The following CDH4 variants were observed in gnomAD, a reference collection of about 807,000 sequenced individuals.
CDH4 encodes the protein cadherin-4.
A neutral mutation model predicts 86.0 loss-of-function variants in CDH4; 33 were observed. The ratio of observed to expected loss-of-function variants is 0.38; its 90% CI spans 0.29 to 0.51. The LOEUF (loss-of-function observed/expected upper bound fraction) is 0.51. Among genes scored for constraint, CDH4 ranks in the 20% least tolerant of loss-of-function variants. CDH4 has a pLI of 0.86. For synonymous variants in CDH4, 555 were observed against 549.4 expected (o/e 1.01, Z -0.14); for missense variants, 1,114 against 1,307.4 (o/e 0.85, Z 2.28).
chr20:61,919,148 G>T (rs2054939463), intron 9 of CDH4, among the ~76,000 whole-genome samples: 1 of 152,222 alleles, frequency 6.6e-6, no homozygotes, highest in South Asian at 2.1e-4. Flanking sequence ...TGGGATTACA[G>T]GCATGAGCCA....
chr20:61,890,193 TG>T (rs1984753722), intron 7 of CDH4, among the ~76,000 whole-genome samples: 1 of 26,264 alleles, frequency 3.8e-5, no homozygotes, highest in African/African-American at 6.9e-5. Context: ...GATGGATAGA[TG>T]ATGGATGGAT....
intron 2 of CDH4, among the ~76,000 whole-genome samples, chr20:61,268,288 C>T (rs993945296): frequency 4.6e-5 from 7 of 152,220 alleles, no homozygotes; most frequent in Non-Finnish European, 8.8e-5. Context: ...GGAGAAGGCA[C>T]CTCTGGCTGC....
chr20:61,639,113 C>T (rs370976903), intron 2 of CDH4, among the ~76,000 whole-genome samples: 4 of 152,202 alleles, frequency 2.6e-5, no homozygotes, highest in Admixed American at 6.5e-5. Context: ...AGCCTGTGTG[C>T]GGGATAAACG....
chr20:61,755,828 A>G (rs2145961575), intron 3 of CDH4, among the ~76,000 whole-genome samples: 1 of 152,318 alleles, frequency 6.6e-6, no homozygotes, highest in Non-Finnish European at 1.5e-5. Context: ...TCCACACAGT[A>G]CACACGTGCG....
At chr20:61,692,517 C>T (rs2087670876) in intron 2 of CDH4, among the ~76,000 whole-genome samples, 1 of 152,210 alleles carries the variant, frequency 6.6e-6, no homozygotes, top group African/African-American at 2.4e-5. Context: ...GAGAAAAAGT[C>T]CTGGCCTCTT....
At chr20:61,639,324 C>G (rs191834985) in intron 2 of CDH4, among the ~76,000 whole-genome samples, 2,498 of 152,196 alleles carry the variant, frequency 0.016, 64 homozygotes, top group African/African-American at 0.056. Context: ...CCTTTGGAGG[C>G]GGGGGGCAAG....
chr20:61,686,611 ATGTG>A (rs367842054), intron 2 of CDH4, among the ~76,000 whole-genome samples: 6 of 141,512 alleles, frequency 4.2e-5, no homozygotes, highest in Admixed American at 7.1e-5. Context: ...ACGTGTGTGC[ATGTG>A]TGTATCTGAG....
chr20:61,839,516 G>T (rs988321394), intron 4 of CDH4, among the ~76,000 whole-genome samples: 13 of 116,554 alleles, frequency 1.1e-4, no homozygotes, highest in Non-Finnish European at 2.0e-4. Flanking sequence ...AGTGTGTGTT[G>T]TGTGTATGTG....
chr20:61,688,691 A>G (rs887088851), intron 2 of CDH4, among the ~76,000 whole-genome samples: 3 of 152,264 alleles, frequency 2.0e-5, no homozygotes, highest in Admixed American at 6.5e-5. Context: ...TCTCCCGCTC[A>G]GAGAGCTTCC....
At chr20:61,734,866 A>G (rs1024385878) in intron 2 of CDH4, among the ~76,000 whole-genome samples, 10 of 152,208 alleles carry the variant, frequency 6.6e-5, no homozygotes, top group African/African-American at 2.4e-4. Flanking sequence ...GCAGATATTC[A>G]AGAACCTATG....
intron 3 of CDH4, among the ~76,000 whole-genome samples, chr20:61,757,418 C>T (rs2088579116): frequency 6.6e-6 from 1 of 152,242 alleles, no homozygotes; most frequent in Non-Finnish European, 1.5e-5. Context: ...TCAAACTTAG[C>T]CAGTGTTTTC....
intron 2 of CDH4, among the ~76,000 whole-genome samples, chr20:61,523,026 G>T (rs1390935821): frequency 6.6e-6 from 1 of 152,228 alleles, no homozygotes; most frequent in Non-Finnish European, 1.5e-5. Flanking sequence ...TCCAGGAGCA[G>T]AGGAAGGAGC....
intron 2 of CDH4, among the ~76,000 whole-genome samples, chr20:61,694,540 C>T (rs1438336212): frequency 2.6e-5 from 4 of 152,122 alleles, no homozygotes; most frequent in Non-Finnish European, 2.9e-5. Context: ...AATGCTTTCT[C>T]GGATGGAGGC....
At position 61,600,172 on chromosome 20, in the gene CDH4, C is replaced by T. The variant is rs1444957757; in HGVS notation, c.170-143391C>T. On this transcript the variant is annotated intron_variant, in intron 2 of 15. Coordinates refer to ENST00000614565, the MANE Select transcript of CDH4 (RefSeq NM_001794.5). ...GCACAGGTCCCGCGCGAGGGCGTGG[C>T]GGTGAGGCCGCTGCTGCAGAACCGG... Among the ~76,000 whole-genome samples the T allele has an allele frequency of 2.0e-5, 3 of 152,232 alleles. No homozygotes were observed. The East Asian group carries it at 5.8e-4, about 29-fold the overall frequency.
Position 61,623,228 on chromosome 20 carries a change from G to A in CDH4, c.170-120335G>A, listed in dbSNP as rs993458458. Among the ~76,000 whole-genome samples, 5 of 152,188 alleles carry A rather than the reference G, an allele frequency of 3.3e-5. No individual in the cohort carries two copies. The East Asian group carries it at 7.7e-4, about 24-fold the overall frequency. On this transcript the variant is annotated intron_variant, in intron 2 of 15. Transcript: ENST00000614565. This position sits in a 1 kb window ranked among gnomAD's most constrained non-coding sequence, Gnocchi z 4.4. ...GCCGCTGGCTCACCCCACCTGCCAC[G>A]CTGCACCCCACTCACCACACTGCGG...
At chr20:61,443,344 T>C (rs756530764) in intron 2 of CDH4, among the ~76,000 whole-genome samples, 15 of 152,240 alleles carry the variant, frequency 9.9e-5, no homozygotes, top group Non-Finnish European at 1.9e-4. Flanking sequence ...ACACATCATC[T>C]GCTGTTTGGT....
At chr20:61,739,846 G>A (rs1372415994) in intron 2 of CDH4, among the ~76,000 whole-genome samples, 1 of 152,232 alleles carries the variant, frequency 6.6e-6, no homozygotes, top group Non-Finnish European at 1.5e-5. Flanking sequence ...TAAGCAGTTG[G>A]GGGCCTCTCC....
intron 2 of CDH4, among the ~76,000 whole-genome samples, chr20:61,521,540 CG>C (rs1256541214): frequency 6.6e-6 from 1 of 152,140 alleles, no homozygotes; most frequent in Admixed American, 6.5e-5. Context: ...TCCAGGGGGC[CG>C]CCAAGAAAAC....
chr20:61,284,250 C>T (rs578019439), intron 2 of CDH4, among the ~76,000 whole-genome samples: 1 of 151,956 alleles, frequency 6.6e-6, no homozygotes, highest in Admixed American at 6.6e-5. Flanking sequence ...GGAGGCATAG[C>T]TTGCAGTGAG....
Sources: allele counts gnomAD v4.1 joint callset (sites outside exome capture counted in the v4.1 genomes callset), GRCh38; gene constraint gnomAD v4.1.1; non-coding constraint Gnocchi (gnomAD v3.1); transcripts MANE v1.5; gene names NCBI Gene and HGNC (gene_info 2026-07-23, HGNC 2026-07-21).